MED12L: variants seen among roughly 807,000 people sequenced by gnomAD.
MED12L encodes mediator complex subunit 12L, also known as mediator of RNA polymerase II transcription subunit 12-like protein.
In MED12L, 60 loss-of-function variants were observed where a neutral mutation model predicts 281.3. The ratio of observed to expected loss-of-function variants is 0.21; its 90% CI spans 0.17 to 0.26. The LOEUF is 0.26. Among genes scored for constraint, MED12L ranks in the 10% least tolerant of loss-of-function variants. The probability of loss-of-function intolerance (pLI) is 1.00; values close to 1 mark genes in which losing one functional copy is unlikely to be tolerated. For missense variants in MED12L, 2,146 were observed against 2,680.9 expected, an observed-to-expected ratio of 0.80 and a Z score of 4.41; for synonymous variants, 974 against 987.2, an observed-to-expected ratio of 0.99 and a Z score of 0.25.
chr3:151,140,258 C>T (rs959156596), intron 5 of MED12L, among the ~76,000 whole-genome samples: 30 of 152,094 alleles, frequency 2.0e-4, no homozygotes, highest in African/African-American at 7.2e-4. Context: ...CCTTTATTAA[C>T]GTAAAATAAC....
At chr3:151,298,267 T>G (rs1046890360) in intron 16 of MED12L, among the ~76,000 whole-genome samples, 2 of 152,212 alleles carry the variant, frequency 1.3e-5, no homozygotes, top group Non-Finnish European at 2.9e-5. Flanking sequence ...AATGGCTTTC[T>G]TCACCCAGGC....
chr3:151,242,531 T>C (rs528251360), intron 16 of MED12L, among the ~76,000 whole-genome samples: 130 of 152,180 alleles, frequency 8.5e-4, no homozygotes, highest in African/African-American at 2.7e-3. Flanking sequence ...CAGCAGGGTA[T>C]TCCAACAGAC....
intron 16 of MED12L, chr3:151,295,207 G>A (rs768433946): frequency 7.5e-6 from 12 of 1,600,672 alleles, no homozygotes; most frequent in East Asian, 4.5e-5. Context: ...CGTGCAGCTC[G>A]TTATCTGTAG....
rs985841111 is a variant in MED12L, at chr3:151,435,831, A to G, written c.*3027A>G. ...TAAATACAGTGAAACTTCATTATAT[A>G]TAATAGACCTAGACCCTCCCAAGCA... On this transcript the variant is annotated 3_prime_UTR_variant, in exon 45 of 45. Transcript: ENST00000687756. The G allele has an allele frequency of 6.6e-6, 1 of 151,986 alleles. No homozygotes were observed. The highest frequency in any genetic ancestry group is 2.4e-5 in the African/African-American group (1 of 41,368). 9.4% of individuals were successfully genotyped at this position (151,986 alleles called of 1,614,324 possible). A position where few individuals can be genotyped will look rare whatever the true frequency, so the allele number is the denominator to read the frequency against.
chr3:151,123,646 A>G (rs1714090464), intron 4 of MED12L, among the ~76,000 whole-genome samples: 1 of 152,132 alleles, frequency 6.6e-6, no homozygotes, highest in Non-Finnish European at 1.5e-5. Flanking sequence ...TATAGTCCTG[A>G]TCTCTGATTT....
At chr3:151,189,463 C>CTTGT (rs996903078) in intron 13 of MED12L, among the ~76,000 whole-genome samples, 1 of 152,212 alleles carries the variant, frequency 6.6e-6, no homozygotes, top group African/African-American at 2.4e-5. Context: ...TGTAACTTAC[C>CTTGT]TTGTACCCTG....
At chr3:151,227,834 G>C (rs145595257) in intron 16 of MED12L, among the ~76,000 whole-genome samples, 2 of 151,950 alleles carry the variant, frequency 1.3e-5, no homozygotes, top group Admixed American at 1.3e-4. Context: ...TGTTTTTTTC[G>C]GTTTCAGTTC....
At chr3:151,147,999 G>A (rs1717963908) in intron 5 of MED12L, among the ~76,000 whole-genome samples, 1 of 152,156 alleles carries the variant, frequency 6.6e-6, no homozygotes, top group African/African-American at 2.4e-5. Context: ...GAACACCTGA[G>A]GATTTCAGTT....
At position 151,350,642 on chromosome 3, in the gene MED12L, T is replaced by C. The variant is rs1252856126; in HGVS notation, c.2398+436T>C. Among the ~76,000 whole-genome samples, 5 of 152,326 alleles carry C rather than the reference T, an allele frequency of 3.3e-5. No individual in the cohort carries two copies. In the East Asian group the frequency reaches 9.6e-4, roughly 29 times the overall value. ...TTCTGGGGCACTCACATTTGCATGT[T>C]AATTGAAAATCATGACAGCATATTT... On this transcript the variant is annotated intron_variant, in intron 17 of 44. Transcript: ENST00000687756.
chr3:151,372,348 C>T (rs530723252), intron 26 of MED12L, among the ~76,000 whole-genome samples: 5 of 152,188 alleles, frequency 3.3e-5, no homozygotes, highest in Non-Finnish European at 5.9e-5. Context: ...AAATAAGGAC[C>T]GAGTCTTGAA....
intron 3 of MED12L, among the ~76,000 whole-genome samples, chr3:151,120,687 TAAG>T (rs1246520165): frequency 1.3e-5 from 2 of 152,220 alleles, no homozygotes; most frequent in Non-Finnish European, 2.9e-5. Context: ...GAAGGACACA[TAAG>T]AAATGAATCA....
intron 2 of MED12L, among the ~76,000 whole-genome samples, chr3:151,093,005 C>T (rs1425697566): frequency 2.0e-5 from 3 of 152,198 alleles, no homozygotes; most frequent in Non-Finnish European, 4.4e-5. Context: ...TTTTCAGGGT[C>T]TGCCAGCCTC....
Position 151,190,814 on chromosome 3 carries a change from C to T in MED12L, c.1851C>T (p.Tyr617=), listed in dbSNP as rs750854986. The T allele has an allele frequency of 3.1e-6, 5 of 1,614,176 alleles. No individual in the cohort carries two copies. The Admixed American group carries it at 8.3e-5, about 27-fold the overall frequency. The change falls in exon 14 of 45, where the codon TAC becomes TAT. Residue 617 remains tyrosine, a synonymous_variant. Coordinates refer to ENST00000687756, the MANE Select transcript of MED12L (RefSeq NM_001393769.1). ...ATGATGTCTTCTCCCATGACGCATA[C>T]ATGTGTACCCTCATATCTCGAGGAG... ...IRHDVFSHDA[Y]MCTLISRGDL...
intron 16 of MED12L, among the ~76,000 whole-genome samples, chr3:151,200,272 C>A (rs1462731120): frequency 6.6e-6 from 1 of 152,154 alleles, no homozygotes; most frequent in Non-Finnish European, 1.5e-5. Flanking sequence ...ACTGATAGGG[C>A]TCCCTTTGAC....
intron 36 of MED12L, among the ~76,000 whole-genome samples, chr3:151,386,669 C>T (rs1032061547): frequency 1.3e-5 from 2 of 151,682 alleles, no homozygotes; most frequent in Non-Finnish European, 2.9e-5. Context: ...CTCCACCTCC[C>T]GGGTTCAAGC....
intron 16 of MED12L, among the ~76,000 whole-genome samples, chr3:151,330,565 C>T (rs977572493): frequency 1.3e-5 from 2 of 152,132 alleles, no homozygotes; most frequent in African/African-American, 4.8e-5. Flanking sequence ...ATGTGGAGTT[C>T]ATGGTGAGTT....
chr3:151,227,485 A>G (rs1031158394), intron 16 of MED12L, among the ~76,000 whole-genome samples: 2 of 152,212 alleles, frequency 1.3e-5, no homozygotes, highest in African/African-American at 4.8e-5. Flanking sequence ...TTTGTATTCT[A>G]ATCGCTTCCC....
At chr3:151,138,980 T>TCTAC (rs374854260) in intron 5 of MED12L, among the ~76,000 whole-genome samples, 228 of 143,002 alleles carry the variant, frequency 1.6e-3, no homozygotes, top group African/African-American at 5.5e-3. Context: ...TTGTCTCTTA[T>TCTAC]CTACCTACCT....
chr3:151,104,694 G>A (rs1721789343), intron 2 of MED12L, among the ~76,000 whole-genome samples: 1 of 152,172 alleles, frequency 6.6e-6, no homozygotes, highest in East Asian at 1.9e-4. Context: ...GTGGCTTAAA[G>A]CAATGGACAT....
Sources: allele counts gnomAD v4.1 joint callset (sites outside exome capture counted in the v4.1 genomes callset), GRCh38; gene constraint gnomAD v4.1.1; transcripts MANE v1.5; gene names NCBI Gene and HGNC (gene_info 2026-07-23, HGNC 2026-07-21).